WSB2: variants seen among roughly 807,000 people sequenced by gnomAD.
WSB2 encodes WD repeat and SOCS box-containing protein 2.
A neutral mutation model predicts 48.8 loss-of-function variants in WSB2; 12 were observed. That is an observed-to-expected ratio of 0.25 (90% CI 0.16 to 0.40). WSB2 has a LOEUF of 0.40. WSB2 is among the 10% of genes least tolerant of loss of function. WSB2 has a pLI of 1.00. For missense variants in WSB2, 317 were observed against 506.2 expected (o/e 0.63, Z 3.59); for synonymous variants, 191 against 203.1 (o/e 0.94, Z 0.51).
In WSB2 at chr12:118,036,457, A is replaced by G; in HGVS notation, c.714T>C (p.His238=). The stretch of plus-strand genomic sequence containing the variant: ...AGTCACAAGAGACAACACTGCTTTG[A>G]TGGCCCTCTAGCTTCCGAATTAACG... The part of the protein sequence containing the change: ...SYTLIRKLEG[H]QSSVVSCDFS... The change falls in exon 6 of 9, where the codon CAT becomes CAC. Residue 238 remains histidine, a synonymous_variant. Coordinates refer to ENST00000315436, the MANE Select transcript of WSB2 (RefSeq NM_018639.5). 6.2e-7 allele frequency: 1 copy of G among 1,614,182 alleles called. No individual in the cohort carries two copies. The highest frequency in any genetic ancestry group is 8.5e-7 in the Non-Finnish European group (1 of 1,180,022).
intron 4 of WSB2, 106 bp from the exon 5 acceptor site, chr12:118,038,494 A>G: frequency 1.1e-6 from 1 of 949,770 alleles, no homozygotes; most frequent in Non-Finnish European, 1.6e-6. Flanking sequence ...TATACCCATC[A>G]GCTCCTATCA....
intron 5 of WSB2, among the ~76,000 whole-genome samples, chr12:118,037,299 C>T (rs1764338851): frequency 6.6e-6 from 1 of 152,214 alleles, no homozygotes; most frequent in Non-Finnish European, 1.5e-5. Context: ...TGTCCCAAGA[C>T]TGGGCCTCTG....
At chr12:118,047,215 A>G (rs2031762502) in intron 2 of WSB2, among the ~76,000 whole-genome samples, 1 of 152,176 alleles carries the variant, frequency 6.6e-6, no homozygotes, top group Non-Finnish European at 1.5e-5. Context: ...TGGGTTATTA[A>G]CTTTCCTGGG....
upstream of WSB2, among the ~76,000 whole-genome samples, chr12:118,061,575 G>C (rs2032067680): frequency 6.6e-6 from 1 of 151,130 alleles, no homozygotes; most frequent in African/African-American, 2.4e-5. Flanking sequence ...CGGGCTCAGG[G>C]GAAAAGGGGG....
At chr12:118,040,981 G>A (rs903910932) in intron 4 of WSB2, among the ~76,000 whole-genome samples, 6 of 152,172 alleles carry the variant, frequency 3.9e-5, no homozygotes, top group African/African-American at 1.4e-4. Flanking sequence ...CCTGGGAGGC[G>A]GAGGTTGCAG....
At chr12:118,057,206 C>G (rs1445135962) in intron 1 of WSB2, among the ~76,000 whole-genome samples, 2 of 152,096 alleles carry the variant, frequency 1.3e-5, no homozygotes, top group Non-Finnish European at 2.9e-5. Context: ...GGTGGGGTAT[C>G]TAGCTTCAAC....
intron 2 of WSB2, among the ~76,000 whole-genome samples, chr12:118,049,354 C>T (rs1410448851): frequency 1.3e-5 from 2 of 152,044 alleles, no homozygotes; most frequent in Admixed American, 6.6e-5. Context: ...TAACATGCAA[C>T]TAATTTCATG....
intron 5 of WSB2, among the ~76,000 whole-genome samples, chr12:118,036,711 T>C (rs1046384045): frequency 4.6e-5 from 7 of 152,154 alleles, no homozygotes; most frequent in African/African-American, 1.4e-4. Context: ...TTTAAAACAA[T>C]GGGCATGCTC....
At chr12:118,039,165 T>C (rs1433158833) in intron 4 of WSB2, among the ~76,000 whole-genome samples, 1 of 152,170 alleles carries the variant, frequency 6.6e-6, no homozygotes, top group Non-Finnish European at 1.5e-5. Context: ...GATGTCCAGA[T>C]GAGCAGTGGT....
Position 118,036,529 on chromosome 12 carries a change from G to A in WSB2, c.661-19C>T, listed in dbSNP as rs754421578. 1.2e-6 allele frequency: 2 copies of A among 1,601,392 alleles called. No homozygotes were observed. The highest frequency in any genetic ancestry group is 1.3e-5 in the African/African-American group (1 of 74,580). Reference sequence around the variant, plus strand: ...GAAAGACCTGTGGAAAGTAAGAAGTGCCTGGTTAGGGCAGAAGCAAAGTGC... The same window carrying A: ...GAAAGACCTGTGGAAAGTAAGAAGTACCTGGTTAGGGCAGAAGCAAAGTGC... On this transcript the variant is annotated intron_variant, in intron 5 of 8. Coordinates refer to ENST00000315436, the MANE Select transcript of WSB2 (RefSeq NM_018639.5).
intron 1 of WSB2, among the ~76,000 whole-genome samples, chr12:118,052,783 A>G (rs2031879386): frequency 1.3e-5 from 2 of 152,214 alleles, no homozygotes; most frequent in African/African-American, 4.8e-5. Context: ...AGAGACAGCC[A>G]GACCAGGAAT....
chr12:118,038,875 T>G (rs1291401140), intron 4 of WSB2, among the ~76,000 whole-genome samples: 1 of 152,120 alleles, frequency 6.6e-6, no homozygotes, highest in African/African-American at 2.4e-5. Flanking sequence ...GAGACAGGGT[T>G]TCACCATATT....
In WSB2 at chr12:118,036,323, G is replaced by A. The variant is rs2031508877; in HGVS notation, c.833+15C>T. ...TCCCCCCACAAAAAAGTCATAGCAG[G>A]GATTCAGTCCTTACTGGAGTGACCT... On this transcript the variant is annotated intron_variant, in intron 6 of 8. Coordinates refer to ENST00000315436, the MANE Select transcript of WSB2 (RefSeq NM_018639.5). 6.2e-7 allele frequency: 1 copy of A among 1,606,516 alleles called. No individual in the cohort carries two copies. Among genetic ancestry groups the A allele is most frequent in the African/African-American group, 1.3e-5 (1 of 74,730 alleles).
chr12:118,038,484 T>C (rs2031561761), intron 4 of WSB2, 96 bp from the exon 5 acceptor site: 1 of 1,127,800 alleles, frequency 8.9e-7, no homozygotes, highest in African/African-American at 1.5e-5. Context: ...CCCAGCCCAG[T>C]ATACCCATCA....
chr12:118,060,200 G>A lies in WSB2; in HGVS notation c.13+836C>T, dbSNP rs1555269130. Among the ~76,000 whole-genome samples, 1 of 152,108 alleles carries A rather than the reference G, an allele frequency of 6.6e-6. No homozygotes were observed. Among genetic ancestry groups the A allele is most frequent in the Non-Finnish European group, 1.5e-5 (1 of 68,024 alleles). On this transcript the variant is annotated intron_variant, in intron 1 of 8. Transcript: ENST00000315436. This position sits in a 1 kb window ranked among gnomAD's most constrained non-coding sequence, Gnocchi z 4.1. ...GGCCAAGGCGTGCATGCGTCTTGGGGTTTTTTTCCCCTTGCATAAGAGACA... is the reference window on the plus strand; with the variant it reads ...GGCCAAGGCGTGCATGCGTCTTGGGATTTTTTTCCCCTTGCATAAGAGACA...
At chr12:118,034,583 G>GCTC in intron 8 of WSB2, 1 of 537,440 alleles carries the variant, frequency 1.9e-6, no homozygotes, top group Admixed American at 3.4e-5. Context: ...CGCTCTCTCT[G>GCTC]TCTCTCTCTC....
intron 6 of WSB2, chr12:118,036,007 G>C (rs149214065): frequency 0.12 from 20,825 of 180,776 alleles, 1,498 homozygotes; most frequent in Non-Finnish European, 0.15. Flanking sequence ...TTTGAGACTA[G>C]CCTGGCCAAC....
Position 118,035,211 on chromosome 12 carries a change from T to C in WSB2, c.944+3A>G. The C allele has an allele frequency of 1.2e-6, 2 of 1,614,126 alleles. No individual in the cohort carries two copies. Among genetic ancestry groups the C allele is most frequent in the Non-Finnish European group, 1.7e-6 (2 of 1,179,960 alleles). On this transcript the variant is annotated splice_donor_region_variant and intron_variant, in intron 7 of 8. Transcript: ENST00000315436. ...GCCATGTAAAGAGAGTTCTCTTCGTTACCTGTCATCTGCCACCGTGGCAAG... is the reference window on the plus strand; with the variant it reads ...GCCATGTAAAGAGAGTTCTCTTCGTCACCTGTCATCTGCCACCGTGGCAAG...
Position 118,032,696 on chromosome 12 carries a change from CTATTTATT to C in WSB2, c.*1492_*1499del, listed in dbSNP as rs10558297. ...CCAGCACCACACTAAGTTTTTTTGG[CTATTTATT>C]TATTTATTTTTTAAATAAAGATTGG... On this transcript the variant is annotated 3_prime_UTR_variant, in exon 9 of 9. Transcript: ENST00000315436. The C allele has an allele frequency of 2.4e-3, 365 of 151,804 alleles. 2 individuals are homozygous for C. Among genetic ancestry groups the C allele is most frequent in the African/African-American group, 8.4e-3 (347 of 41,286 alleles). The allele number at this position is 151,804 out of a possible 1,614,324, so 9.4% of individuals were successfully genotyped here.
Sources: allele counts gnomAD v4.1 joint callset (sites outside exome capture counted in the v4.1 genomes callset), GRCh38; gene constraint gnomAD v4.1.1; non-coding constraint Gnocchi (gnomAD v3.1); transcripts MANE v1.5; gene names NCBI Gene and HGNC (gene_info 2026-07-23, HGNC 2026-07-21).